The following KIF3C variants were observed in gnomAD, a reference collection of about 807,000 sequenced individuals.
KIF3C encodes kinesin family member 3C.
A neutral mutation model predicts 67.7 loss-of-function variants in KIF3C; 12 were observed. The observed-to-expected ratio is 0.18, with a 90% confidence interval of 0.11 to 0.29. The LOEUF (loss-of-function observed/expected upper bound fraction) is 0.29, where lower values mean the gene tolerates loss of function less well. Ranked by LOEUF, KIF3C falls within the 10% of genes least tolerant of loss-of-function variation. The probability of loss-of-function intolerance (pLI) is 1.00; values close to 1 mark genes in which losing one functional copy is unlikely to be tolerated. For synonymous variants in KIF3C, 393 were observed against 426.2 expected (o/e 0.92, Z 0.96); for missense variants, 789 against 1,059.6 (o/e 0.74, Z 3.55).
intron 5 of KIF3C, among the ~76,000 whole-genome samples, chr2:25,940,069 G>T (rs1459754680): frequency 6.6e-6 from 1 of 152,174 alleles, no homozygotes; most frequent in Admixed American, 6.5e-5. Context: ...ACTTCTAAGG[G>T]ATAGAGCAGG....
At chr2:25,932,833 AAAAACAAAACAAAAC>A (rs59590442) in intron 5 of KIF3C, among the ~76,000 whole-genome samples, 340 of 146,248 alleles carry the variant, frequency 2.3e-3, no homozygotes, top group Middle Eastern at 7.0e-3. Flanking sequence ...ACTCCATCTC[AAAAACAAAACAAAAC>A]AAAACAAAAC....
chr2:25,956,415 G>A lies in KIF3C; in HGVS notation c.1575C>T (p.Gly525=). 1 of 1,614,034 alleles carries A rather than the reference G, an allele frequency of 6.2e-7. No homozygotes were observed. The highest frequency in any genetic ancestry group is 1.1e-5 in the South Asian group (1 of 91,078). Residue 525 remains glycine, a synonymous_variant, in exon 2 of 8, where the codon GGC becomes GGT. Coordinates refer to ENST00000264712, the MANE Select transcript of KIF3C (RefSeq NM_002254.8). ...CGTTGGTGTGATCCATGATGTTCCT[G>A]CCCCCGATGAGGAGCTTGCTCTCCA... The part of the protein sequence containing the change: ...KAMESKLLIG[G]RNIMDHTNEQ...
intron 5 of KIF3C, chr2:25,934,192 T>C (rs768916796): frequency 1.5e-5 from 7 of 470,726 alleles, no homozygotes; most frequent in South Asian, 9.3e-5. Flanking sequence ...AGAAAGTAGA[T>C]TGGCAGTTGT....
rs116099379 is a variant in KIF3C at position 25,955,997 on chromosome 2, T to C, written c.1648-334A>G. Among the ~76,000 whole-genome samples the C allele has an allele frequency of 1.8e-3, 277 of 152,324 alleles. No homozygotes were observed. The highest frequency in any genetic ancestry group is 4.5e-3 in the Admixed American group (69 of 15,296). ...TCTCCCCAAGTAGTATAATGGTTGA[T>C]TGGTAAGACCAACAAACTGTGGCTC... On this transcript the variant is annotated intron_variant, in intron 2 of 7. Coordinates refer to ENST00000264712, the MANE Select transcript of KIF3C (RefSeq NM_002254.8). The surrounding 1 kb of genome is among the most constrained non-coding windows in gnomAD (Gnocchi z 5.0).
intron 1 of KIF3C, among the ~76,000 whole-genome samples, chr2:25,972,864 A>T (rs1249926596): frequency 6.6e-6 from 1 of 150,580 alleles, no homozygotes; most frequent in African/African-American, 2.4e-5. Context: ...TCCCCTCTTT[A>T]TTGTCCCCCT....
chr2:25,931,074 T>TA (rs1189873548), intron 5 of KIF3C, among the ~76,000 whole-genome samples: 2 of 152,212 alleles, frequency 1.3e-5, no homozygotes, highest in South Asian at 2.1e-4. Context: ...CACAACAATT[T>TA]AAAAAAATTA....
chr2:25,948,147 A>G (rs1204343437), intron 5 of KIF3C, among the ~76,000 whole-genome samples: 1 of 152,180 alleles, frequency 6.6e-6, no homozygotes, highest in Non-Finnish European at 1.5e-5. Context: ...ACTTGAGCCC[A>G]GGAGGTCAAG....
At chr2:25,945,391 G>T (rs1303653086) in intron 5 of KIF3C, among the ~76,000 whole-genome samples, 3 of 150,754 alleles carry the variant, frequency 2.0e-5, no homozygotes, top group African/African-American at 7.3e-5. Context: ...TCTTGGTCTG[G>T]GTAGTCCCTT....
In KIF3C at chr2:25,980,634, C is replaced by G. The variant is rs539193962; in HGVS notation, c.1284G>C (p.Glu428Asp). ...PPGYPEGPVI[E>D]AWVAEEEDDN... ...CATCCTCCTCTTCTGCCACCCAGGCCTCAATCACTGGGCCCTCAGGGTACC... is the reference window on the plus strand; with the variant it reads ...CATCCTCCTCTTCTGCCACCCAGGCGTCAATCACTGGGCCCTCAGGGTACC... The change falls in exon 1 of 8, where the codon GAG becomes GAC. Residue 428 changes from glutamate (E) to aspartate (D), a missense_variant. Coordinates refer to ENST00000264712, the MANE Select transcript of KIF3C (RefSeq NM_002254.8). This position sits in a 1 kb window ranked among gnomAD's most constrained non-coding sequence, Gnocchi z 7.6. The G allele has an allele frequency of 4.3e-6, 7 of 1,614,066 alleles. No homozygotes were observed. The East Asian group carries it at 1.1e-4, about 26-fold the overall frequency.
At position 25,954,223 on chromosome 2, in the gene KIF3C, G is replaced by A. The variant is rs1309964981; in HGVS notation, c.1889+44C>T. On this transcript the variant is annotated intron_variant, in intron 4 of 7. Transcript: ENST00000264712. ...GGGGAGGAGAGGCCTGAGTAATGAT[G>A]GCTGGCTGTGGGGACCCGGGATGAA... is the stretch of plus-strand genomic sequence containing the variant. The A allele has an allele frequency of 4.3e-6, 6 of 1,409,062 alleles. No homozygotes were observed. The East Asian group carries it at 1.1e-4, about 27-fold the overall frequency. 87.3% of individuals were successfully genotyped at this position (1,409,062 alleles called of 1,614,324 possible).
At position 25,981,167 on chromosome 2, in the gene KIF3C, C is replaced by G. The variant is rs1454494820; in HGVS notation, c.751G>C (p.Glu251Gln). The stretch of plus-strand genomic sequence containing the variant: ...TTGGGGCCTGCCTTGTTCTGCCTCT[C>G]GCTGCCAGCCAGGTCCACGAGGTTG... ...KLNLVDLAGS[E>Q]RQNKAGPNTA... is the part of the protein sequence containing the mutation. The change falls in exon 1 of 8, where the codon GAG becomes CAG. Residue 251 changes from glutamate (E) to glutamine (Q), a missense_variant. By Grantham distance (29) the Glu-to-Gln change is conservative. Coordinates refer to ENST00000264712, the MANE Select transcript of KIF3C (RefSeq NM_002254.8). This position sits in a 1 kb window ranked among gnomAD's most constrained non-coding sequence, Gnocchi z 8.2. 1 of 1,614,020 alleles carries G rather than the reference C, an allele frequency of 6.2e-7. No homozygotes were observed. Among genetic ancestry groups the G allele is most frequent in the Non-Finnish European group, 8.5e-7 (1 of 1,180,052 alleles).
chr2:25,934,322 T>C (rs1574477874), intron 5 of KIF3C, among the ~76,000 whole-genome samples: 2 of 152,108 alleles, frequency 1.3e-5, no homozygotes, highest in East Asian at 3.9e-4. Context: ...CTCATGCCTA[T>C]AAACCCAGCA....
chr2:25,929,018 G>A lies in KIF3C; in HGVS notation c.2342C>T (p.Ser781Phe). The change falls in exon 8 of 8, where the codon TCT becomes TTT. Residue 781 changes from serine to phenylalanine, a missense_variant. Ser to Phe is a radical substitution (Grantham distance 155, BLOSUM62 -2). Coordinates refer to ENST00000264712, the MANE Select transcript of KIF3C (RefSeq NM_002254.8). ...CACTGTTGCAGGGCGCAGAGAAGCA[G>A]AGGCCAGGGAGGCATGTGTGGTGGA... The part of the protein sequence containing the change: ...PPSTTHASLA[S>F]ASLRPATVAD... The A allele has an allele frequency of 1.9e-6, 3 of 1,613,906 alleles. No homozygotes were observed. Among genetic ancestry groups the A allele is most frequent in the South Asian group, 2.2e-5 (2 of 91,076 alleles).
At chr2:25,931,934 GTTT>G (rs34040664) in intron 5 of KIF3C, among the ~76,000 whole-genome samples, 3 of 130,188 alleles carry the variant, frequency 2.3e-5, no homozygotes, top group Non-Finnish European at 1.6e-5. Context: ...GCACCTGGCT[GTTT>G]TTTTTTTTTT....
intron 5 of KIF3C, chr2:25,934,283 A>G (rs1473115027): frequency 2.4e-6 from 1 of 419,820 alleles, no homozygotes; most frequent in Non-Finnish European, 4.9e-6. Context: ...AGTGATGAAA[A>G]TGTTCTGGAA....
intron 1 of KIF3C, among the ~76,000 whole-genome samples, chr2:25,972,040 T>C (rs909757090): frequency 6.6e-6 from 1 of 151,938 alleles, no homozygotes; most frequent in Non-Finnish European, 1.5e-5. Context: ...CATTTCCTTA[T>C]TCATTCAAAC....
chr2:25,946,461 G>A (rs1410265533), intron 5 of KIF3C, among the ~76,000 whole-genome samples: 3 of 152,114 alleles, frequency 2.0e-5, no homozygotes, highest in African/African-American at 7.2e-5. Context: ...TGGGCGAGGT[G>A]GGCAGATCAC....
At chr2:25,930,172 A>T in intron 5 of KIF3C, 109 bp from the exon 6 acceptor site, 2 of 805,644 alleles carry the variant, frequency 2.5e-6, no homozygotes, top group South Asian at 3.1e-5. Flanking sequence ...TGCAGACTGC[A>T]AGTTCTGGAA....
rs1353896400 is a variant in KIF3C, at chr2:25,981,705, G to A, written c.213C>T (p.Ala71=). 6.2e-7 allele frequency: 1 copy of A among 1,613,836 alleles called. No homozygotes were observed. The highest frequency in any genetic ancestry group is 8.5e-7 in the Non-Finnish European group (1 of 1,179,846). The part of the protein sequence containing the change: ...DAVYDASSKQ[A]DLYDETVRPL... Reference sequence around the variant, plus strand: ...GCCTCACGGTTTCGTCATACAGGTCGGCCTGCTTGGAGCTGGCATCATACA... The same window carrying A: ...GCCTCACGGTTTCGTCATACAGGTCAGCCTGCTTGGAGCTGGCATCATACA... The change falls in exon 1 of 8, where the codon GCC becomes GCT. Residue 71 remains alanine (A), a synonymous_variant. Coordinates refer to ENST00000264712, the MANE Select transcript of KIF3C (RefSeq NM_002254.8). This position sits in a 1 kb window ranked among gnomAD's most constrained non-coding sequence, Gnocchi z 8.2.
Sources: allele counts gnomAD v4.1 joint callset (sites outside exome capture counted in the v4.1 genomes callset), GRCh38; gene constraint gnomAD v4.1.1; non-coding constraint Gnocchi (gnomAD v3.1); transcripts MANE v1.5; gene names NCBI Gene and HGNC (gene_info 2026-07-23, HGNC 2026-07-21).